UXS1: variants seen among roughly 807,000 people sequenced by gnomAD.
UXS1 encodes UDP-glucuronic acid decarboxylase 1.
UXS1 carries 33 observed loss-of-function variants against 62.6 expected under a neutral mutation model. The observed-to-expected ratio is 0.53, with a 90% CI of 0.40 to 0.70. UXS1 has a LOEUF of 0.70. UXS1 is among the 30% of genes least tolerant of loss of function. The pLI is 0.00. For synonymous variants in UXS1, 213 were observed against 206.8 expected, an observed-to-expected ratio of 1.03 and a Z score of -0.26; for missense variants, 434 against 556.3, an observed-to-expected ratio of 0.78 and a Z score of 2.21.
At position 106,104,780 on chromosome 2, in the gene UXS1, C is replaced by T. The variant is rs1286156402; in HGVS notation, c.923+14G>A. The T allele has an allele frequency of 6.2e-7, 1 of 1,613,838 alleles. No individual in the cohort carries two copies. Among genetic ancestry groups the T allele is most frequent in the East Asian group, 2.2e-5 (1 of 44,892 alleles). ...AAGCACTGCTAAGGCTGGGGCAGGG[C>T]AGGACAGTCTTACCTGACGTACTGG... On this transcript the variant is annotated intron_variant, in intron 11 of 14. Coordinates refer to ENST00000283148, the MANE Select transcript of UXS1 (RefSeq NM_001253875.2).
intron 5 of UXS1, among the ~76,000 whole-genome samples, chr2:106,148,229 A>G (rs1173940115): frequency 2.0e-5 from 3 of 152,242 alleles, no homozygotes; most frequent in African/African-American, 7.2e-5. Context: ...TGACTATGAA[A>G]AACGATTTTC....
At chr2:106,172,397 G>A (rs1028613528) in intron 1 of UXS1, among the ~76,000 whole-genome samples, 1 of 152,158 alleles carries the variant, frequency 6.6e-6, no homozygotes, top group African/African-American at 2.4e-5. Context: ...CAAAATAACA[G>A]TAACAGAGGC....
chr2:106,098,877 C>A (rs1677349554), intron 12 of UXS1, 104 bp from the exon 13 acceptor site: 3 of 987,668 alleles, frequency 3.0e-6, no homozygotes, highest in Non-Finnish European at 4.7e-6. Context: ...CCGAGTCTGA[C>A]CTCCCTGCGC....
intron 5 of UXS1, among the ~76,000 whole-genome samples, chr2:106,157,800 TAGAG>T (rs1253149643): frequency 1.3e-5 from 2 of 152,134 alleles, no homozygotes; most frequent in African/African-American, 2.4e-5. Context: ...TTCATAGAGA[TAGAG>T]AGTAGTTTTA....
At chr2:106,182,768 GC>G (rs1374309292) in intron 1 of UXS1, among the ~76,000 whole-genome samples, 2 of 147,930 alleles carry the variant, frequency 1.4e-5, no homozygotes, top group African/African-American at 5.0e-5. Flanking sequence ...ATAGTTGGGT[GC>G]TGCTTCTCCT....
intron 10 of UXS1, among the ~76,000 whole-genome samples, chr2:106,108,137 T>A (rs947029562): frequency 6.6e-6 from 1 of 152,240 alleles, no homozygotes; most frequent in African/African-American, 2.4e-5. Flanking sequence ...TCCTGCTGGA[T>A]TTCAGTTTCT....
At chr2:106,147,892 T>C (rs967219119) in intron 5 of UXS1, among the ~76,000 whole-genome samples, 3 of 152,202 alleles carry the variant, frequency 2.0e-5, no homozygotes, top group African/African-American at 7.2e-5. Flanking sequence ...AGAATAACCA[T>C]CCCTTAACCA....
chr2:106,188,467 C>A (rs554054961), intron 1 of UXS1, among the ~76,000 whole-genome samples: 170 of 152,296 alleles, frequency 1.1e-3, no homozygotes, highest in Non-Finnish European at 1.6e-3. Flanking sequence ...AGGACAAGTT[C>A]CAGCTCCTGT....
chr2:106,187,584 C>G (rs1468753217), intron 1 of UXS1, among the ~76,000 whole-genome samples: 1 of 152,142 alleles, frequency 6.6e-6, no homozygotes, highest in African/African-American at 2.4e-5. Context: ...ACATAAAACA[C>G]TCTTTCATAT....
At chr2:106,099,146 T>TC (rs1677376640) in intron 12 of UXS1, among the ~76,000 whole-genome samples, 1 of 152,258 alleles carries the variant, frequency 6.6e-6, no homozygotes, top group African/African-American at 2.4e-5. Context: ...CACTATCTAT[T>TC]CCCGTCTGGG....
chr2:106,119,367 T>C (rs1156324219), intron 9 of UXS1, among the ~76,000 whole-genome samples: 1 of 152,138 alleles, frequency 6.6e-6, no homozygotes, highest in Non-Finnish European at 1.5e-5. Flanking sequence ...ACCCCACTTA[T>C]GGGCTAGGGA....
chr2:106,192,552 T>A (rs1299486524), intron 1 of UXS1, among the ~76,000 whole-genome samples: 1 of 33,068 alleles, frequency 3.0e-5, no homozygotes, highest in South Asian at 1.5e-3. Flanking sequence ...CGAGACTCCG[T>A]CTCAAAAAAA....
chr2:106,118,269 G>T (rs1275600750), intron 9 of UXS1, among the ~76,000 whole-genome samples: 1 of 150,672 alleles, frequency 6.6e-6, no homozygotes, highest in Non-Finnish European at 1.5e-5. Context: ...TACCAACTCC[G>T]ACTTTTTCAA....
intron 6 of UXS1, chr2:106,138,656 T>C (rs1259583199): frequency 8.1e-6 from 8 of 985,386 alleles, no homozygotes; most frequent in Non-Finnish European, 9.6e-6. Flanking sequence ...TTCCATCTGG[T>C]TCAGTGTTTC....
chr2:106,142,735 T>C (rs925936622), intron 6 of UXS1, among the ~76,000 whole-genome samples: 1 of 152,004 alleles, frequency 6.6e-6, no homozygotes, highest in Non-Finnish European at 1.5e-5. Context: ...GATGCCAAGG[T>C]TGAGGACCCG....
intron 1 of UXS1, among the ~76,000 whole-genome samples, chr2:106,183,077 G>C (rs1573586326): frequency 6.6e-6 from 1 of 152,078 alleles, no homozygotes; most frequent in East Asian, 1.9e-4. Context: ...CTGTTTACGA[G>C]GATCCATTAT....
In UXS1 at chr2:106,166,143, T is replaced by C. The variant is rs369870330; in HGVS notation, c.95-60A>G. 54 of 1,489,912 alleles carry C rather than the reference T, an allele frequency of 3.6e-5. No individual in the cohort carries two copies. In the African/African-American group the frequency reaches 7.0e-4, roughly 19 times the overall value. The allele number at this position is 1,489,912 out of a possible 1,614,324, so 92.3% of individuals were successfully genotyped here. ...AGTCCACAACTTTCAGGGATTCCAATGGATGGAATCTTAAATTTTAACCAA... is the reference window on the plus strand; with the variant it reads ...AGTCCACAACTTTCAGGGATTCCAACGGATGGAATCTTAAATTTTAACCAA... On this transcript the variant is annotated intron_variant, in intron 1 of 14. Transcript: ENST00000283148.
At chr2:106,172,676 A>G (rs1160260057) in intron 1 of UXS1, among the ~76,000 whole-genome samples, 2 of 152,090 alleles carry the variant, frequency 1.3e-5, no homozygotes, top group African/African-American at 4.8e-5. Context: ...GCTGAATCAG[A>G]ATCTCTACAG....
At chr2:106,121,979 T>C (rs1679558406) in intron 9 of UXS1, among the ~76,000 whole-genome samples, 1 of 152,138 alleles carries the variant, frequency 6.6e-6, no homozygotes, top group Non-Finnish European at 1.5e-5. Context: ...TGACTGGGGC[T>C]CTGCCGGGGC....
Sources: allele counts gnomAD v4.1 joint callset (sites outside exome capture counted in the v4.1 genomes callset), GRCh38; gene constraint gnomAD v4.1.1; transcripts MANE v1.5; gene names NCBI Gene and HGNC (gene_info 2026-07-23, HGNC 2026-07-21).